The following RPL39L variants were observed in gnomAD, a reference collection of about 807,000 sequenced individuals.
RPL39L encodes the protein ribosomal protein eL39-like 2.
For missense variants in RPL39L, 48 were observed against 58.9 expected (o/e 0.81, Z 0.61); for synonymous variants, 16 against 20.1 (o/e 0.80, Z 0.55).
intron 2 of RPL39L, among the ~76,000 whole-genome samples, chr3:187,124,303 G>A (rs1184389503): frequency 6.6e-6 from 1 of 152,104 alleles, no homozygotes; most frequent in African/African-American, 2.4e-5. Flanking sequence ...TTGAGAGATG[G>A]GAAATCATGG....
intron 1 of RPL39L, among the ~76,000 whole-genome samples, chr3:187,135,275 T>C (rs1445400571): frequency 2.0e-5 from 3 of 152,130 alleles, no homozygotes; most frequent in African/African-American, 7.2e-5. Context: ...GGGACGGTAA[T>C]ATCGTTTGGC....
intron 2 of RPL39L, 94 bp from the exon 3 acceptor site, chr3:187,121,422 T>C: frequency 7.8e-7 from 1 of 1,282,920 alleles, no homozygotes; most frequent in Admixed American, 2.2e-5. Flanking sequence ...AAAGAGGATC[T>C]TTAGTGCCAC....
rs1236596044 is a variant in RPL39L, at chr3:187,139,009, G to A, written c.-93+204C>T. Among the ~76,000 whole-genome samples, 7 of 151,878 alleles carry A rather than the reference G, an allele frequency of 4.6e-5. No individual in the cohort carries two copies. In the East Asian group the frequency reaches 1.4e-3, roughly 30 times the overall value. ...GGAGGCGGAGGTTGCAGTGAGCCGAGATCACACCACTGCACTCCAGCCTGG... is the reference window on the plus strand; with the variant it reads ...GGAGGCGGAGGTTGCAGTGAGCCGAAATCACACCACTGCACTCCAGCCTGG... On this transcript the variant is annotated intron_variant, in intron 1 of 2. Coordinates refer to ENST00000296277, the MANE Select transcript of RPL39L (RefSeq NM_052969.3).
rs1362002306 is a variant in RPL39L, at chr3:187,121,148, T to C, written c.153A>G (p.Leu51=). 6.8e-6 allele frequency: 11 copies of C among 1,613,586 alleles called. No homozygotes were observed. The highest frequency in any genetic ancestry group is 1.7e-5 in the Admixed American group (1 of 60,018). ...RRHWRRTKLG[L] is the part of the protein sequence containing the mutation. ...GTGCCATCTCATGTGCAATTCCTTA[T>C]AGACCCAGCTTGGTTCTTCTCCAAT... The change falls in exon 3 of 3, where the codon CTA becomes CTG. Residue 51 remains leucine (L), a synonymous_variant. Transcript: ENST00000296277.
chr3:187,131,636 G>A (rs1349116042), intron 1 of RPL39L, among the ~76,000 whole-genome samples: 1 of 152,174 alleles, frequency 6.6e-6, no homozygotes, highest in East Asian at 1.9e-4. Context: ...GTGTGACCTT[G>A]AACACATTTC....
chr3:187,126,320 C>T (rs978103327), intron 2 of RPL39L, among the ~76,000 whole-genome samples: 1 of 152,012 alleles, frequency 6.6e-6, no homozygotes, highest in Non-Finnish European at 1.5e-5. Flanking sequence ...TGCCACTACA[C>T]CCGGCTAATT....
chr3:187,135,978 T>G (rs1720572802), intron 1 of RPL39L, among the ~76,000 whole-genome samples: 1 of 152,202 alleles, frequency 6.6e-6, no homozygotes, highest in South Asian at 2.1e-4. Flanking sequence ...AAGAACTCTT[T>G]CCATGGAACT....
At chr3:187,126,495 A>C (rs1207158811) in intron 2 of RPL39L, among the ~76,000 whole-genome samples, 1 of 152,130 alleles carries the variant, frequency 6.6e-6, no homozygotes, top group Non-Finnish European at 1.5e-5. Flanking sequence ...TTGAAAAACC[A>C]CAGTATTTTG....
intron 2 of RPL39L, among the ~76,000 whole-genome samples, chr3:187,124,079 G>A (rs1474228188): frequency 5.3e-5 from 8 of 152,190 alleles, no homozygotes; most frequent in Non-Finnish European, 4.4e-5. Context: ...TAATGGTTAT[G>A]AGGGCAGTTT....
intron 1 of RPL39L, among the ~76,000 whole-genome samples, chr3:187,137,769 A>G (rs1268686535): frequency 6.6e-6 from 1 of 151,168 alleles, no homozygotes; most frequent in African/African-American, 2.4e-5. Context: ...CAGAAGTTGC[A>G]GTGAGCCAGG....
intron 1 of RPL39L, among the ~76,000 whole-genome samples, chr3:187,137,999 T>C (rs1398385430): frequency 6.6e-6 from 1 of 152,184 alleles, no homozygotes; most frequent in Non-Finnish European, 1.5e-5. Flanking sequence ...GCAAACTCTC[T>C]TAGGTTCTGA....
Position 187,137,198 on chromosome 3 carries a change from C to CAAAA in RPL39L, c.-93+2011_-93+2014dup, listed in dbSNP as rs33967617. Among the ~76,000 whole-genome samples, 79 of 37,632 alleles carry CAAAA rather than the reference C, an allele frequency of 2.1e-3. 5 individuals are homozygous for CAAAA. Among genetic ancestry groups the CAAAA allele is most frequent in the African/African-American group, 3.5e-3 (39 of 11,280 alleles). 24.7% of individuals were successfully genotyped at this position (37,632 alleles called of 152,430 possible). ...TGGGCAACAGAACAACACTCTTCCT[C>CAAAA]AAAAAAAAAAAAAAAAAAAAAAAAA... On this transcript the variant is annotated intron_variant, in intron 1 of 2. Coordinates refer to ENST00000296277, the MANE Select transcript of RPL39L (RefSeq NM_052969.3).
intron 1 of RPL39L, among the ~76,000 whole-genome samples, chr3:187,132,812 TA>T (rs1720508625): frequency 6.6e-6 from 1 of 152,118 alleles, no homozygotes; most frequent in South Asian, 2.1e-4. Flanking sequence ...GTATGAGAAC[TA>T]AAAGTCCCAT....
At chr3:187,136,193 A>G (rs1720575862) in intron 1 of RPL39L, among the ~76,000 whole-genome samples, 1 of 152,224 alleles carries the variant, frequency 6.6e-6, no homozygotes, top group Non-Finnish European at 1.5e-5. Context: ...CCCTATCTAC[A>G]CTTCAGACTA....
chr3:187,126,158 T>C (rs555603066), intron 2 of RPL39L, among the ~76,000 whole-genome samples: 1 of 151,864 alleles, frequency 6.6e-6, no homozygotes, highest in South Asian at 2.1e-4. Flanking sequence ...AAACATCTAT[T>C]GGTTTCTTTT....
At chr3:187,134,640 T>C (rs1044299988) in intron 1 of RPL39L, among the ~76,000 whole-genome samples, 4 of 152,188 alleles carry the variant, frequency 2.6e-5, no homozygotes, top group Non-Finnish European at 1.5e-5. Context: ...TGTAAGGAAA[T>C]GGACCGATTC....
At chr3:187,121,650 T>C (rs1720311557) in intron 2 of RPL39L, among the ~76,000 whole-genome samples, 1 of 152,064 alleles carries the variant, frequency 6.6e-6, no homozygotes, top group African/African-American at 2.4e-5. Context: ...TTTTCAACTT[T>C]AAAAAAGTTA....
chr3:187,130,140 T>C (rs1720462059), intron 1 of RPL39L, among the ~76,000 whole-genome samples: 1 of 152,236 alleles, frequency 6.6e-6, no homozygotes. Context: ...CTGTCTTTCC[T>C]ATGTATCCTC....
chr3:187,127,988 GA>G lies in RPL39L; in HGVS notation c.-29+10del, dbSNP rs1295008725. ...TTTCACAAGTTGAAAGAAAGAGGAA[GA>G]AAATCCTACCTTTTTCAAGTCTGAA... On this transcript the variant is annotated intron_variant, in intron 2 of 2. Transcript: ENST00000296277. The G allele has an allele frequency of 6.6e-6, 1 of 152,026 alleles. No homozygotes were observed. The highest frequency in any genetic ancestry group is 2.4e-5 in the African/African-American group (1 of 41,388). 9.4% of individuals were successfully genotyped at this position (152,026 alleles called of 1,614,324 possible).
Sources: allele counts gnomAD v4.1 joint callset (sites outside exome capture counted in the v4.1 genomes callset), GRCh38; gene constraint gnomAD v4.1.1; transcripts MANE v1.5; gene names NCBI Gene and HGNC (gene_info 2026-07-23, HGNC 2026-07-21).